The following MTMR12 variants were observed in gnomAD, a reference collection of about 807,000 sequenced individuals.
The protein encoded by MTMR12 is myotubularin related protein 12.
Under a neutral mutation model 96.7 loss-of-function variants are expected in MTMR12, and 33 were observed. That is an observed-to-expected ratio of 0.34 (90% CI 0.26 to 0.46). The LOEUF (loss-of-function observed/expected upper bound fraction) is 0.46, where lower values mean the gene tolerates loss of function less well. Ranked by LOEUF, MTMR12 falls within the 20% of genes least tolerant of loss-of-function variation. The pLI is 1.00. For missense variants in MTMR12, 721 were observed against 896.1 expected (o/e 0.80, Z 2.49); for synonymous variants, 298 against 327.2 (o/e 0.91, Z 0.96).
In MTMR12 at chr5:32,227,409, A is replaced by G. The variant is rs1747775681; in HGVS notation, c.*2369T>C. 6.6e-6 allele frequency: 1 copy of G among 152,652 alleles called. No homozygotes were observed. Among genetic ancestry groups the G allele is most frequent in the Non-Finnish European group, 1.5e-5 (1 of 68,052 alleles). 9.5% of individuals were successfully genotyped at this position (152,652 alleles called of 1,614,324 possible). A position where few individuals can be genotyped will look rare whatever the true frequency, so the allele number is the denominator to read the frequency against. ...TTATAGAAATCTGATTTCAAATATA[A>G]ATACAAAAATTGTCATGACCTTACA... On this transcript the variant is annotated 3_prime_UTR_variant, in exon 16 of 16. Transcript: ENST00000382142.
At chr5:32,257,944 T>G (rs1749206198) in intron 7 of MTMR12, among the ~76,000 whole-genome samples, 1 of 152,052 alleles carries the variant, frequency 6.6e-6, no homozygotes, top group South Asian at 2.1e-4. Context: ...AATGTAGATA[T>G]AAGTTTTTTG....
intron 1 of MTMR12, among the ~76,000 whole-genome samples, chr5:32,277,059 G>T (rs1238572453): frequency 6.6e-6 from 1 of 151,666 alleles, no homozygotes; most frequent in Non-Finnish European, 1.5e-5. Flanking sequence ...CTAATTGTTT[G>T]TATTTTTAGT....
chr5:32,286,531 A>G (rs959658025), intron 1 of MTMR12, among the ~76,000 whole-genome samples: 2 of 152,022 alleles, frequency 1.3e-5, no homozygotes, highest in African/African-American at 4.8e-5. Context: ...AAAAAAAAAA[A>G]GGATTGACTT....
chr5:32,298,356 T>C (rs924025925), intron 1 of MTMR12, among the ~76,000 whole-genome samples: 71 of 152,146 alleles, frequency 4.7e-4, no homozygotes, highest in African/African-American at 1.6e-3. Flanking sequence ...AGAAGGGTGC[T>C]GTTGGCAGAA....
intron 14 of MTMR12, 113 bp downstream of exon 14, chr5:32,234,849 T>C (rs1231479886): frequency 4.0e-6 from 4 of 998,456 alleles, no homozygotes; most frequent in Non-Finnish European, 5.8e-6. Flanking sequence ...CCAACTTTGT[T>C]TAGTGTATGT....
At chr5:32,258,363 TA>T (rs1039172929) in intron 7 of MTMR12, among the ~76,000 whole-genome samples, 8 of 152,188 alleles carry the variant, frequency 5.3e-5, no homozygotes, top group African/African-American at 9.7e-5. Context: ...GTCATTGAAG[TA>T]AAAACCTCTC....
chr5:32,275,120 C>G (rs976055415), intron 2 of MTMR12, among the ~76,000 whole-genome samples: 5 of 152,104 alleles, frequency 3.3e-5, no homozygotes, highest in Non-Finnish European at 5.9e-5. Flanking sequence ...TTTATTTAGT[C>G]TACCTTCAAT....
At chr5:32,242,974 G>A (rs1221015312) in intron 11 of MTMR12, among the ~76,000 whole-genome samples, 1 of 151,958 alleles carries the variant, frequency 6.6e-6, no homozygotes, top group Non-Finnish European at 1.5e-5. Context: ...CTGTCATCCT[G>A]ATCATCATTT....
At chr5:32,257,678 GGA>G (rs1749193509) in intron 7 of MTMR12, among the ~76,000 whole-genome samples, 1 of 151,922 alleles carries the variant, frequency 6.6e-6, no homozygotes, top group Non-Finnish European at 1.5e-5. Flanking sequence ...CTGAAGCAGA[GGA>G]ATCGCTGAAC....
intron 6 of MTMR12, among the ~76,000 whole-genome samples, chr5:32,264,159 C>G (rs1206638792): frequency 6.6e-6 from 1 of 152,176 alleles, no homozygotes; most frequent in Non-Finnish European, 1.5e-5. Context: ...GACAAAATGC[C>G]CTGGAGCACC....
chr5:32,272,708 G>A (rs1749885413), intron 3 of MTMR12, among the ~76,000 whole-genome samples: 1 of 152,116 alleles, frequency 6.6e-6, no homozygotes, highest in Non-Finnish European at 1.5e-5. Context: ...GCCCCTCCTA[G>A]GCAAACCCAC....
intron 1 of MTMR12, among the ~76,000 whole-genome samples, chr5:32,294,380 G>C (rs1750847726): frequency 6.6e-6 from 1 of 151,684 alleles, no homozygotes; most frequent in Admixed American, 6.6e-5. Flanking sequence ...TTGGCTCACT[G>C]CAACTTCTGC....
In MTMR12 at chr5:32,235,148, C is replaced by G. The variant is rs140664144; in HGVS notation, c.1345-19G>C. On this transcript the variant is annotated intron_variant, in intron 13 of 15. Coordinates refer to ENST00000382142, the MANE Select transcript of MTMR12 (RefSeq NM_001040446.3). ...CAGGAACCTGCATGAAAACAAGATA[C>G]GTTACTTGGTGGGCAGAGCCCAGAG... 2.4e-5 allele frequency: 39 copies of G among 1,604,184 alleles called. No individual in the cohort carries two copies. The Middle Eastern group carries it at 6.7e-4, about 27-fold the overall frequency.
At chr5:32,240,127 G>A (rs1303085645) in intron 12 of MTMR12, among the ~76,000 whole-genome samples, 1 of 152,138 alleles carries the variant, frequency 6.6e-6, no homozygotes, top group African/African-American at 2.4e-5. Flanking sequence ...TAGGCCGGGC[G>A]CGGTGGCTCA....
chr5:32,242,230 T>C (rs1005012432), intron 11 of MTMR12, 103 bp from the exon 12 acceptor site: 4 of 747,364 alleles, frequency 5.4e-6, no homozygotes, highest in Admixed American at 6.1e-5. Flanking sequence ...CAGTCTTCTC[T>C]CTTATTTTTT....
chr5:32,290,588 A>ACT (rs1750703782), intron 1 of MTMR12, among the ~76,000 whole-genome samples: 2 of 152,128 alleles, frequency 1.3e-5, no homozygotes, highest in Non-Finnish European at 2.9e-5. Context: ...TGAGTGTGTT[A>ACT]CTCCAGCCCA....
At chr5:32,289,544 T>C (rs1750667273) in intron 1 of MTMR12, among the ~76,000 whole-genome samples, 2 of 152,218 alleles carry the variant, frequency 1.3e-5, no homozygotes, top group South Asian at 2.1e-4. Flanking sequence ...TTTGGACTAA[T>C]GGACACTGGT....
intron 1 of MTMR12, among the ~76,000 whole-genome samples, chr5:32,297,661 C>T (rs949532486): frequency 1.3e-5 from 2 of 151,852 alleles, no homozygotes; most frequent in East Asian, 1.9e-4. Context: ...GAAAGCATTA[C>T]TCATTTATGA....
At chr5:32,256,490 G>C (rs1025793466) in intron 7 of MTMR12, among the ~76,000 whole-genome samples, 6 of 152,196 alleles carry the variant, frequency 3.9e-5, no homozygotes, top group Non-Finnish European at 4.4e-5. Flanking sequence ...AGAAAATTTA[G>C]TCTCTAAAAA....
Sources: gnomAD v4.1 joint callset for allele counts (sites outside exome capture counted in the v4.1 genomes callset) on GRCh38, gnomAD v4.1.1 for gene constraint, MANE v1.5 for transcripts, NCBI Gene and HGNC (gene_info 2026-07-23, HGNC 2026-07-21) for gene names.